Variants in FERMT2 observed in about 807,000 individuals in gnomAD.
FERMT2 encodes the protein fermitin family homolog 2.
A neutral mutation model predicts 82.7 loss-of-function variants in FERMT2; 15 were observed. The observed-to-expected ratio is 0.18, with a 90% CI of 0.12 to 0.28. The LOEUF is 0.28. Ranked by LOEUF, FERMT2 falls within the 10% of genes least tolerant of loss-of-function variation. The pLI, the probability that FERMT2 is intolerant of heterozygous loss-of-function variation, is 1.00. For missense variants in FERMT2, 645 were observed against 809.4 expected, an observed-to-expected ratio of 0.80 and a Z score of 2.46; for synonymous variants, 274 against 271.5, an observed-to-expected ratio of 1.01 and a Z score of -0.09.
At chr14:52,935,389 A>C (rs559090638) in intron 2 of FERMT2, among the ~76,000 whole-genome samples, 92 of 152,276 alleles carry the variant, frequency 6.0e-4, no homozygotes, top group African/African-American at 2.1e-3. Flanking sequence ...GTGTCCCCCC[A>C]AATTCATATG....
Position 52,881,047 on chromosome 14 carries a change from A to C in FERMT2, c.844T>G (p.Leu282Val). Residue 282 changes from leucine (L) to valine (V), a missense_variant, in exon 6 of 15, where the codon TTG (leucine) becomes GTG (valine). Physicochemically the swap from Leu to Val is conservative, Grantham distance 32. Transcript: ENST00000341590. ...LRFKYYSFFD[L>V]NPKYDAIRIN... ...TAAACCCTCGGTACCTTTGGATTCA[A>C]ATCAAAAAAGCTGTAATACTTGAAT... 6.2e-7 allele frequency: 1 copy of C among 1,609,280 alleles called. No homozygotes were observed. Among genetic ancestry groups the C allele is most frequent in the Non-Finnish European group, 8.5e-7 (1 of 1,177,428 alleles).
At chr14:52,891,027 A>G (rs1363069615) in intron 4 of FERMT2, among the ~76,000 whole-genome samples, 2 of 152,156 alleles carry the variant, frequency 1.3e-5, no homozygotes, top group Non-Finnish European at 2.9e-5. Flanking sequence ...TTTCTACAAT[A>G]ATGATTTGAT....
rs77121084 is a variant in FERMT2, at chr14:52,868,057, T to C, written c.1274-3204A>G. On this transcript the variant is annotated intron_variant, in intron 10 of 14. Transcript: ENST00000341590. Reference sequence around the variant, plus strand: ...TTCAGTGACACGTCACTGCTGCCAGTTCAAAAAGCAATCTCCTTACCATTT... The same window carrying C: ...TTCAGTGACACGTCACTGCTGCCAGCTCAAAAAGCAATCTCCTTACCATTT... Among the ~76,000 whole-genome samples the C allele has an allele frequency of 7.8e-3, 1,192 of 152,288 alleles. 19 individuals carry two copies. Among genetic ancestry groups the C allele is most frequent in the African/African-American group, 0.028 (1,151 of 41,554 alleles).
chr14:52,860,627 G>A (rs1376737437), intron 12 of FERMT2, 162 bp from the exon 13 acceptor site: 1 of 634,050 alleles, frequency 1.6e-6, no homozygotes, highest in East Asian at 2.9e-5. Flanking sequence ...CTGTAATAAT[G>A]TAATGTATAA....
At chr14:52,863,975 C>CTTA (rs1351671634) in intron 12 of FERMT2, among the ~76,000 whole-genome samples, 2 of 151,892 alleles carry the variant, frequency 1.3e-5, no homozygotes, top group East Asian at 3.8e-4. Flanking sequence ...ATTCTGTGTC[C>CTTA]TTATCTGTTC....
At chr14:52,865,043 C>A (rs1885185040) in intron 10 of FERMT2, among the ~76,000 whole-genome samples, 190 bp from the exon 11 acceptor site, 1 of 152,130 alleles carries the variant, frequency 6.6e-6, no homozygotes, top group African/African-American at 2.4e-5. Flanking sequence ...TGTATTCAGG[C>A]CAGGTGTGGT....
At chr14:52,907,474 A>G (rs1888080228) in intron 3 of FERMT2, among the ~76,000 whole-genome samples, 1 of 152,196 alleles carries the variant, frequency 6.6e-6, no homozygotes, top group African/African-American at 2.4e-5. Context: ...CGTGATATGA[A>G]AAACCATTTT....
Position 52,858,023 on chromosome 14 carries a change from T to C in FERMT2, c.*354A>G, listed in dbSNP as rs559350608. ...AATCACATGCATTAGACATGATAAATAGAGTTCATATAGGTTAAGCCCTGG... is the reference window on the plus strand; with the variant it reads ...AATCACATGCATTAGACATGATAAACAGAGTTCATATAGGTTAAGCCCTGG... On this transcript the variant is annotated 3_prime_UTR_variant, in exon 15 of 15. Coordinates refer to ENST00000341590, the MANE Select transcript of FERMT2 (RefSeq NM_006832.3). 1.6e-5 allele frequency: 3 copies of C among 192,842 alleles called. No homozygotes were observed. Among genetic ancestry groups the C allele is most frequent in the African/African-American group, 7.0e-5 (3 of 43,160 alleles). The allele number at this position is 192,842 out of a possible 1,614,324, so 11.9% of individuals were successfully genotyped here. A position where few individuals can be genotyped will look rare whatever the true frequency, so the allele number is the denominator to read the frequency against.
chr14:52,875,411 A>C, intron 7 of FERMT2, 54 bp from the exon 8 acceptor site: 1 of 1,313,720 alleles, frequency 7.6e-7, no homozygotes. Flanking sequence ...AAACTCTAAA[A>C]TGAAATTACT....
rs1445681106 is a variant in FERMT2 at position 52,950,608 on chromosome 14, G to C, written c.-9-31C>G. 7 of 1,605,258 alleles carry C rather than the reference G, an allele frequency of 4.4e-6. No homozygotes were observed. In the South Asian group the frequency reaches 4.4e-5, roughly 10 times the overall value. On this transcript the variant is annotated intron_variant, in intron 1 of 14. Transcript: ENST00000341590. Reference sequence around the variant, plus strand: ...AGCGCGGAGGAAATGGCTCTCGTAAGCGTCACTCCCCCAAAGAAAGGCGAA... The same window carrying C: ...AGCGCGGAGGAAATGGCTCTCGTAACCGTCACTCCCCCAAAGAAAGGCGAA...
chr14:52,899,427 C>T (rs1467524119), intron 3 of FERMT2, among the ~76,000 whole-genome samples: 4 of 152,066 alleles, frequency 2.6e-5, no homozygotes, highest in African/African-American at 4.8e-5. Context: ...GGATTGCGGG[C>T]GCCCGCCACC....
intron 10 of FERMT2, among the ~76,000 whole-genome samples, chr14:52,871,064 G>A (rs1259623162): frequency 3.9e-5 from 6 of 152,056 alleles, no homozygotes; most frequent in African/African-American, 7.2e-5. Context: ...CAAGGGTGGC[G>A]CAACCTTTGC....
intron 2 of FERMT2, among the ~76,000 whole-genome samples, chr14:52,949,725 G>A (rs866062415): frequency 6.6e-6 from 1 of 152,082 alleles, no homozygotes; most frequent in African/African-American, 2.4e-5. Flanking sequence ...AGCAAACACC[G>A]TCAACCTCAA....
intron 3 of FERMT2, among the ~76,000 whole-genome samples, chr14:52,909,946 G>T (rs1437054615): frequency 6.6e-6 from 1 of 151,878 alleles, no homozygotes; most frequent in African/African-American, 2.4e-5. Context: ...CCAGCTACTC[G>T]GGAGGCTGAG....
chr14:52,917,827 A>G (rs1476220248), intron 3 of FERMT2, among the ~76,000 whole-genome samples: 1 of 152,218 alleles, frequency 6.6e-6, no homozygotes, highest in Non-Finnish European at 1.5e-5. Context: ...CCAAGCTCCA[A>G]GCCTACAGGC....
intron 4 of FERMT2, among the ~76,000 whole-genome samples, chr14:52,890,358 C>T (rs1382907066): frequency 6.1e-5 from 9 of 147,350 alleles, no homozygotes; most frequent in African/African-American, 1.2e-4. Flanking sequence ...GCAGGAGAAT[C>T]GCTTGAACCC....
chr14:52,949,457 T>C (rs1426714550), intron 2 of FERMT2, among the ~76,000 whole-genome samples: 1 of 135,666 alleles, frequency 7.4e-6, no homozygotes, highest in African/African-American at 2.8e-5. Context: ...CAAAAAACAA[T>C]TCCAGCCTAA....
At chr14:52,900,202 C>G (rs1179899214) in intron 3 of FERMT2, among the ~76,000 whole-genome samples, 2 of 151,534 alleles carry the variant, frequency 1.3e-5, no homozygotes, top group Non-Finnish European at 3.0e-5. Flanking sequence ...GCCTCGACTT[C>G]CCAGGCTCAG....
chr14:52,893,076 C>A (rs1439711867), intron 4 of FERMT2, among the ~76,000 whole-genome samples: 1 of 152,166 alleles, frequency 6.6e-6, no homozygotes, highest in East Asian at 1.9e-4. Context: ...TGGCTCACTG[C>A]AACTCTGCCT....
Sources: allele counts gnomAD v4.1 joint callset (sites outside exome capture counted in the v4.1 genomes callset), GRCh38; gene constraint gnomAD v4.1.1; transcripts MANE v1.5; gene names NCBI Gene and HGNC (gene_info 2026-07-23, HGNC 2026-07-21).